The following GALK2 variants were observed in gnomAD, a reference collection of about 807,000 sequenced individuals.
GALK2 encodes the protein galactokinase 2.
A neutral mutation model predicts 52.4 loss-of-function variants in GALK2; 36 were observed. The ratio of observed to expected loss-of-function variants is 0.69; its 90% CI spans 0.53 to 0.91. The LOEUF is 0.91. Among genes scored for constraint, GALK2 ranks in the 40% least tolerant of loss-of-function variants. GALK2 has a pLI of 0.00. For synonymous variants in GALK2, 176 were observed against 199.1 expected (o/e 0.88, Z 0.98); for missense variants, 579 against 559.1 (o/e 1.04, Z -0.36).
At chr15:49,302,656 T>TAAG (rs2035212220) in intron 8 of GALK2, among the ~76,000 whole-genome samples, 1 of 152,220 alleles carries the variant, frequency 6.6e-6, no homozygotes, top group Non-Finnish European at 1.5e-5. Context: ...ATGTAGCTTA[T>TAAG]AAGATATCAA....
chr15:49,188,196 T>C (rs767865973), intron 1 of GALK2, among the ~76,000 whole-genome samples: 2 of 152,190 alleles, frequency 1.3e-5, no homozygotes, highest in African/African-American at 2.4e-5. Context: ...GTAGAAATGT[T>C]GTCAGGGTTT....
At chr15:49,192,589 A>G (rs757172169) in intron 1 of GALK2, among the ~76,000 whole-genome samples, 60 of 147,970 alleles carry the variant, frequency 4.1e-4, no homozygotes, top group Non-Finnish European at 6.5e-4. Flanking sequence ...ATTAATGACT[A>G]TGTATTTTTG....
rs892948349 is a variant in GALK2, at chr15:49,330,756, AAAGAG to A, written c.*2599_*2603del. Reference sequence around the variant, plus strand: ...GGGAAGATAGACCAAAAAAAAAAAAAAAGAGAGAAAGAATGAATATTTTTGTGTGT... The same window carrying A: ...GGGAAGATAGACCAAAAAAAAAAAAAAGAAAGAATGAATATTTTTGTGTGT... On this transcript the variant is annotated 3_prime_UTR_variant, in exon 10 of 10. Transcript: ENST00000560031. 2 of 152,058 alleles carry A rather than the reference AAAGAG, an allele frequency of 1.3e-5. No homozygotes were observed. The highest frequency in any genetic ancestry group is 4.8e-5 in the African/African-American group (2 of 41,414). The allele number at this position is 152,058 out of a possible 1,614,324, so 9.4% of individuals were successfully genotyped here.
chr15:49,312,261 T>C (rs1228088468), intron 8 of GALK2, among the ~76,000 whole-genome samples: 1 of 152,236 alleles, frequency 6.6e-6, no homozygotes, highest in Non-Finnish European at 1.5e-5. Context: ...CTTATTGTGA[T>C]GTGAGTGGGC....
At chr15:49,331,995 C>G (rs1211241639), downstream of GALK2, 1 of 618,614 alleles carries the variant, frequency 1.6e-6, no homozygotes, top group Non-Finnish European at 2.9e-6. Context: ...CTTAAAACTT[C>G]TGAAGTAGGT....
chr15:49,193,001 T>C lies in GALK2; in HGVS notation c.54-8161T>C, dbSNP rs1166717650. Among the ~76,000 whole-genome samples, 136 of 147,632 alleles carry C rather than the reference T, an allele frequency of 9.2e-4. 4 individuals are homozygous for C. The highest frequency in any genetic ancestry group is 1.2e-3 in the African/African-American group (49 of 40,414). On this transcript the variant is annotated intron_variant, in intron 1 of 9. Coordinates refer to ENST00000560031, the MANE Select transcript of GALK2 (RefSeq NM_002044.4). Reference sequence around the variant, plus strand: ...TTATGAATTTTCTGTTTATACCTTTTTTTTTTTTTTTTTTTTGATGGAATC... The same window carrying C: ...TTATGAATTTTCTGTTTATACCTTTCTTTTTTTTTTTTTTTTGATGGAATC...
At position 49,217,305 on chromosome 15, in the gene GALK2, CT is replaced by C; in HGVS notation, c.260del (p.Leu87CysfsTer41). On this transcript the variant is annotated frameshift_variant, in exon 3 of 10. Transcript: ENST00000560031. LOFTEE classifies it high-confidence loss of function. ...YALQLANTNP[L>X]YPDFSTSANN... Reference sequence around the variant, plus strand: ...CTCTCCAACTGGCCAATACAAATCCCTTGTATCCGTGAGTATTTAAAATTGT... The same window carrying C: ...CTCTCCAACTGGCCAATACAAATCCCTGTATCCGTGAGTATTTAAAATTGT... The C allele has an allele frequency of 6.2e-7, 1 of 1,613,592 alleles. No individual in the cohort carries two copies. The highest frequency in any genetic ancestry group is 8.5e-7 in the Non-Finnish European group (1 of 1,179,738).
chr15:49,155,774 G>A lies in GALK2; in HGVS notation c.-223G>A, dbSNP rs1460971096. On this transcript the variant is annotated 5_prime_UTR_variant, in exon 1 of 10. Transcript: ENST00000327171. ...GACTGCACCACCCCCCGTTTCCTCC[G>A]AAGTGGTTGGTGCCTTAGCAACTAA... The A allele has an allele frequency of 1.6e-5, 11 of 670,266 alleles. No individual in the cohort carries two copies. The Middle Eastern group carries it at 7.5e-4, about 46-fold the overall frequency. 41.5% of individuals were successfully genotyped at this position (670,266 alleles called of 1,614,324 possible).
At chr15:49,261,026 C>T (rs1383940992) in intron 5 of GALK2, among the ~76,000 whole-genome samples, 1 of 151,898 alleles carries the variant, frequency 6.6e-6, no homozygotes, top group African/African-American at 2.4e-5. Context: ...GTACTTTTGG[C>T]TTAGGATTGG....
At chr15:49,301,942 C>T (rs1006950971) in intron 8 of GALK2, among the ~76,000 whole-genome samples, 2 of 152,160 alleles carry the variant, frequency 1.3e-5, no homozygotes, top group Non-Finnish European at 2.9e-5. Flanking sequence ...AAGAACAAAA[C>T]AACTTGTTAT....
chr15:49,170,432 G>GTGTA, intron 1 of GALK2, 57 bp downstream of exon 1: 1 of 1,494,174 alleles, frequency 6.7e-7, no homozygotes, highest in Non-Finnish European at 9.0e-7. Context: ...CGTGTAGATC[G>GTGTA]GGTCCACAGC....
chr15:49,341,858 A>G (rs985416163), intron 3 of GALK2, among the ~76,000 whole-genome samples: 7 of 152,116 alleles, frequency 4.6e-5, no homozygotes, highest in African/African-American at 1.7e-4. Flanking sequence ...GTTTTGGGAA[A>G]TCTTTTTGGT....
rs1264402631 is a variant in GALK2 at position 49,170,295 on chromosome 15, T to C, written c.-28T>C. 1.3e-6 allele frequency: 2 copies of C among 1,569,426 alleles called. No homozygotes were observed. The highest frequency in any genetic ancestry group is 2.3e-5 in the South Asian group (2 of 85,112). On this transcript the variant is annotated 5_prime_UTR_variant, in exon 1 of 10. Transcript: ENST00000560031. ...GGAGCTTTGCTTAGACACTTGAAAC[T>C]ACAGGAGAAAGAAGGATCTAGCGAA... is the stretch of plus-strand genomic sequence containing the variant.
chr15:49,172,888 TG>T (rs1311340201), intron 1 of GALK2, among the ~76,000 whole-genome samples: 1 of 152,230 alleles, frequency 6.6e-6, no homozygotes. Flanking sequence ...TTGCTATTTT[TG>T]TAGCAGTTTT....
In GALK2 at chr15:49,366,246, C is replaced by T. The variant is rs150597275; in HGVS notation, c.427-1245C>T. On this transcript the variant is annotated intron_variant, in intron 3 of 3. Transcript: ENST00000558399. ...TTATTTCCTAGAGTCTGCTTCATATCTATAAAGTCTTTGTCACTTATAAAT... is the reference window on the plus strand; with the variant it reads ...TTATTTCCTAGAGTCTGCTTCATATTTATAAAGTCTTTGTCACTTATAAAT... 1.3e-3 allele frequency: 1,023 copies of T among 786,042 alleles called. 15 individuals carry two copies. The East Asian group carries it at 0.022, about 17-fold the overall frequency. The allele number at this position is 786,042 out of a possible 1,614,324, so 48.7% of individuals were successfully genotyped here. A position where few individuals can be genotyped will look rare whatever the true frequency, so the allele number is the denominator to read the frequency against.
intron 5 of GALK2, among the ~76,000 whole-genome samples, chr15:49,273,615 T>C (rs553562487): frequency 4.6e-5 from 7 of 151,974 alleles, no homozygotes; most frequent in Non-Finnish European, 1.0e-4. Context: ...TCATCAGCCA[T>C]GTTTCAAAAC....
At chr15:49,170,448 GCTC>G in intron 1 of GALK2, 73 bp downstream of exon 1, 1 of 1,460,920 alleles carries the variant, frequency 6.8e-7, no homozygotes, top group South Asian at 1.2e-5. Flanking sequence ...ACAGCACTTG[GCTC>G]CTCCCTTGGG....
intron 8 of GALK2, among the ~76,000 whole-genome samples, chr15:49,308,758 G>A (rs1453251949): frequency 6.6e-6 from 1 of 152,180 alleles, no homozygotes; most frequent in Non-Finnish European, 1.5e-5. Flanking sequence ...AGACTAAAGT[G>A]TATTTGGAAG....
At chr15:49,338,744 C>T (rs565945051) in intron 3 of GALK2, among the ~76,000 whole-genome samples, 1 of 152,206 alleles carries the variant, frequency 6.6e-6, no homozygotes, top group Admixed American at 6.5e-5. Context: ...TCCATACTCT[C>T]CATCACTTTC....
Sources: gnomAD v4.1 joint callset for allele counts (sites outside exome capture counted in the v4.1 genomes callset) on GRCh38, gnomAD v4.1.1 for gene constraint, MANE v1.5 for transcripts, NCBI Gene and HGNC (gene_info 2026-07-23, HGNC 2026-07-21) for gene names.